The following ASB4 variants were observed in gnomAD, a reference collection of about 807,000 sequenced individuals.
The protein encoded by ASB4 is ankyrin repeat and SOCS box protein 4.
A neutral mutation model predicts 38.6 loss-of-function variants in ASB4; 35 were observed. The observed-to-expected ratio is 0.91, with a 90% confidence interval of 0.69 to 1.20. The LOEUF is 1.20. ASB4 is among the 50% of genes most tolerant of loss of function. ASB4 has a pLI of 0.00. For missense variants in ASB4, 557 were observed against 527.2 expected, an observed-to-expected ratio of 1.06 and a Z score of -0.55; for synonymous variants, 195 against 201.3, an observed-to-expected ratio of 0.97 and a Z score of 0.26.
Position 95,495,794 on chromosome 7 carries a change from G to C in ASB4, c.224G>C (p.Trp75Ser). The change falls in exon 2 of 5, where the codon TGG (tryptophan) becomes TCG (serine). Residue 75 changes from tryptophan to serine, a missense_variant. By Grantham distance (177) the Trp-to-Ser change is radical. Coordinates refer to ENST00000325885, the MANE Select transcript of ASB4 (RefSeq NM_016116.3). ...CCTAGCTATAAATTGAAGTCTTCCT[G>C]GGCCACAGGCCTCCATCTCTCTGTC... ...WLPSYKLKSS[W>S]ATGLHLSVLF... 1 of 1,610,492 alleles carries C rather than the reference G, an allele frequency of 6.2e-7. No individual in the cohort carries two copies. The highest frequency in any genetic ancestry group is 8.5e-7 in the Non-Finnish European group (1 of 1,178,732).
At chr7:95,510,212 G>C (rs1424300395) in intron 2 of ASB4, among the ~76,000 whole-genome samples, 1 of 152,106 alleles carries the variant, frequency 6.6e-6, no homozygotes, top group African/African-American at 2.4e-5. Context: ...CTTCCGAAAT[G>C]AGTCCCATCA....
At chr7:95,493,480 T>A (rs1790203523) in intron 1 of ASB4, among the ~76,000 whole-genome samples, 1 of 152,040 alleles carries the variant, frequency 6.6e-6, no homozygotes, top group Admixed American at 6.6e-5. Context: ...CCTGTGGGAT[T>A]AATCACTGTG....
upstream of ASB4, among the ~76,000 whole-genome samples, chr7:95,476,563 G>A (rs190941240): frequency 2.0e-5 from 3 of 152,300 alleles, no homozygotes; most frequent in East Asian, 3.9e-4. Context: ...GCTGGGAAAC[G>A]GGAACAATAT....
chr7:95,524,759 C>T (rs1790714073), intron 2 of ASB4, among the ~76,000 whole-genome samples: 1 of 152,150 alleles, frequency 6.6e-6, no homozygotes, highest in South Asian at 2.1e-4. Flanking sequence ...TGTGGAGACA[C>T]AAATGAGACA....
intron 2 of ASB4, among the ~76,000 whole-genome samples, chr7:95,527,296 G>A (rs1444293907): frequency 1.3e-5 from 2 of 152,122 alleles, no homozygotes; most frequent in Non-Finnish European, 2.9e-5. Context: ...TCAGTCAAAG[G>A]GATGGGAAGT....
At chr7:95,524,101 A>G (rs1354412168) in intron 2 of ASB4, among the ~76,000 whole-genome samples, 3 of 152,234 alleles carry the variant, frequency 2.0e-5, no homozygotes, top group Non-Finnish European at 2.9e-5. Context: ...GAAGATATGC[A>G]TACCCAGTGA....
chr7:95,501,125 C>G (rs2116599964), intron 2 of ASB4, among the ~76,000 whole-genome samples: 1 of 152,156 alleles, frequency 6.6e-6, no homozygotes, highest in African/African-American at 2.4e-5. Context: ...CATTAACTTT[C>G]TAATTAAAAC....
chr7:95,546,748 A>T, the ASB4 span, among the ~76,000 whole-genome samples: 1 of 152,172 alleles, frequency 6.6e-6, no homozygotes. Flanking sequence ...CGAATTGTAT[A>T]AATAAAAAGC....
intron 1 of ASB4, among the ~76,000 whole-genome samples, chr7:95,489,999 T>C (rs1440551341): frequency 6.6e-6 from 1 of 152,238 alleles, no homozygotes; most frequent in Non-Finnish European, 1.5e-5. Context: ...CAGAATTTCA[T>C]ACTTATCTCT....
chr7:95,498,905 C>T (rs1255705065), intron 2 of ASB4, among the ~76,000 whole-genome samples: 1 of 152,112 alleles, frequency 6.6e-6, no homozygotes, highest in Non-Finnish European at 1.5e-5. Context: ...AAAGAATATT[C>T]TTTCACCATC....
upstream of ASB4, among the ~76,000 whole-genome samples, chr7:95,485,420 A>C (rs1054002456): frequency 2.0e-5 from 3 of 152,054 alleles, no homozygotes; most frequent in Admixed American, 1.3e-4. Flanking sequence ...AAAATTTTTC[A>C]AGTCTAGGTC....
intron 2 of ASB4, among the ~76,000 whole-genome samples, chr7:95,510,743 TCTTTAAA>T (rs1790468255): frequency 6.6e-6 from 1 of 152,208 alleles, no homozygotes; most frequent in Non-Finnish European, 1.5e-5. Context: ...TGACCCACTC[TCTTTAAA>T]TTCTACAATC....
At chr7:95,522,113 GC>G (rs1377257533) in intron 2 of ASB4, among the ~76,000 whole-genome samples, 1 of 152,076 alleles carries the variant, frequency 6.6e-6, no homozygotes, top group African/African-American at 2.4e-5. Flanking sequence ...ATATTTAGAT[GC>G]AGTAACACAA....
At chr7:95,498,199 G>A (rs28571007) in intron 2 of ASB4, among the ~76,000 whole-genome samples, 99 of 152,248 alleles carry the variant, frequency 6.5e-4, no homozygotes, top group African/African-American at 2.1e-3. Context: ...GGCTGGGCAC[G>A]GTGGCTCACA....
At chr7:95,487,679 A>T (rs1246007331) in intron 1 of ASB4, among the ~76,000 whole-genome samples, 1 of 152,204 alleles carries the variant, frequency 6.6e-6, no homozygotes, top group Non-Finnish European at 1.5e-5. Flanking sequence ...TACATTTTAA[A>T]TTCTTCTTGT....
chr7:95,526,027 G>T (rs1790731782), intron 2 of ASB4, among the ~76,000 whole-genome samples: 1 of 152,100 alleles, frequency 6.6e-6, no homozygotes, highest in Admixed American at 6.6e-5. Context: ...ATGGTAAACG[G>T]ATTTTTTTTA....
At chr7:95,502,216 A>G (rs1317238509) in intron 2 of ASB4, among the ~76,000 whole-genome samples, 3 of 152,190 alleles carry the variant, frequency 2.0e-5, no homozygotes, top group African/African-American at 7.2e-5. Context: ...AAATAAATAT[A>G]TGACATAATG....
chr7:95,536,639 G>T, intron 4 of ASB4, 89 bp downstream of exon 4: 1 of 901,658 alleles, frequency 1.1e-6, no homozygotes, highest in South Asian at 1.7e-5. Flanking sequence ...AAAAAAGTTG[G>T]TTTTGAGAAT....
intron 2 of ASB4, among the ~76,000 whole-genome samples, chr7:95,520,473 A>T (rs1485185429): frequency 2.6e-5 from 4 of 152,230 alleles, no homozygotes; most frequent in Non-Finnish European, 5.9e-5. Flanking sequence ...AAATGTGCCC[A>T]TCAAAAGTAA....
Sources: allele counts gnomAD v4.1 joint callset (sites outside exome capture counted in the v4.1 genomes callset), GRCh38; gene constraint gnomAD v4.1.1; transcripts MANE v1.5; gene names NCBI Gene and HGNC (gene_info 2026-07-23, HGNC 2026-07-21).